PRKAG2: variants seen among roughly 807,000 people sequenced by gnomAD.
The protein encoded by PRKAG2 is protein kinase AMP-activated non-catalytic subunit gamma 2, also known as 5'-AMP-activated protein kinase subunit gamma-2.
A neutral mutation model predicts 69.6 loss-of-function variants in PRKAG2; 26 were observed. The observed-to-expected ratio is 0.37, with a 90% CI of 0.27 to 0.52. PRKAG2 has a LOEUF of 0.52. PRKAG2 is among the 20% of genes least tolerant of loss of function. PRKAG2 has a pLI of 0.90. For missense variants in PRKAG2, 557 were observed against 740.0 expected (o/e 0.75, Z 2.87); for synonymous variants, 293 against 285.0 (o/e 1.03, Z -0.28).
chr7:151,749,845 T>C (rs2074547709), intron 3 of PRKAG2, among the ~76,000 whole-genome samples: 2 of 149,382 alleles, frequency 1.3e-5, no homozygotes, highest in South Asian at 2.1e-4. Context: ...GCCTGTCATC[T>C]CAGCACTTTG....
chr7:151,652,634 AAAAGCCCATTGGGTCTCTT>A (rs1563349205), intron 4 of PRKAG2, among the ~76,000 whole-genome samples: 1 of 152,138 alleles, frequency 6.6e-6, no homozygotes, highest in Non-Finnish European at 1.5e-5. Flanking sequence ...CAATATCCAA[AAAAGCCCATTGGGTCTCTT>A]TTTTCTTTTT....
intron 3 of PRKAG2, among the ~76,000 whole-genome samples, chr7:151,712,134 C>T (rs543961803): frequency 5.3e-5 from 8 of 152,348 alleles, no homozygotes; most frequent in South Asian, 4.1e-4. Context: ...ACGTGCATCA[C>T]GTGGTGTAAC....
intron 4 of PRKAG2, among the ~76,000 whole-genome samples, chr7:151,654,480 C>T (rs979697117): frequency 6.6e-6 from 1 of 152,180 alleles, no homozygotes; most frequent in African/African-American, 2.4e-5. Context: ...AATTCTTTTG[C>T]TATGTCAATA....
chr7:151,700,039 G>A (rs539326345), intron 3 of PRKAG2, among the ~76,000 whole-genome samples: 1 of 152,102 alleles, frequency 6.6e-6, no homozygotes, highest in Non-Finnish European at 1.5e-5. Flanking sequence ...ACTGAAATCT[G>A]GTGATGGAGT....
Position 151,835,915 on chromosome 7 carries a change from G to C in PRKAG2, c.114+40592C>G, listed in dbSNP as rs540235011. On this transcript the variant is annotated intron_variant, in intron 1 of 15. Coordinates refer to ENST00000287878, the MANE Select transcript of PRKAG2 (RefSeq NM_016203.4). This position sits in a 1 kb window ranked among gnomAD's most constrained non-coding sequence, Gnocchi z 4.1. ...ATTCAAGAGTGGGGTGCAGCTCAGG[G>C]AGGCATCGGAGATGGGGACTGTGAC... Among the ~76,000 whole-genome samples, 450 of 152,320 alleles carry C rather than the reference G, an allele frequency of 3.0e-3. 2 individuals carry two copies. Among genetic ancestry groups the C allele is most frequent in the Non-Finnish European group, 4.6e-3 (311 of 68,032 alleles).
chr7:151,707,400 G>T lies in PRKAG2; in HGVS notation c.467-31763C>A, dbSNP rs151165580. 2.7e-3 allele frequency among the ~76,000 whole-genome samples: 417 copies of T among 152,260 alleles called. 2 individuals carry two copies. The highest frequency in any genetic ancestry group is 9.6e-3 in the African/African-American group (399 of 41,532). ...AGCAGGTCCCTCCTACTAAACGGTGGTCGGAGAAGCTGCTATATAATGACC... is the reference window on the plus strand; with the variant it reads ...AGCAGGTCCCTCCTACTAAACGGTGTTCGGAGAAGCTGCTATATAATGACC... On this transcript the variant is annotated intron_variant, in intron 3 of 15. Transcript: ENST00000287878.
intron 5 of PRKAG2, among the ~76,000 whole-genome samples, chr7:151,628,695 C>A (rs931633915): frequency 2.1e-5 from 3 of 144,338 alleles, no homozygotes; most frequent in Non-Finnish European, 4.6e-5. Flanking sequence ...AAGAGTGAGA[C>A]CCTGAGGGAG....
rs116777934 is a variant in PRKAG2 at position 151,680,534 on chromosome 7, C to T, written c.467-4897G>A. ...CTGTCTGATTTTGCCTAGACTATCT[C>T]TGGCAGGATCTGGAAACACTGGCTG... On this transcript the variant is annotated intron_variant, in intron 3 of 15. Coordinates refer to ENST00000287878, the MANE Select transcript of PRKAG2 (RefSeq NM_016203.4). 5.5e-3 allele frequency among the ~76,000 whole-genome samples: 844 copies of T among 152,354 alleles called. 7 individuals carry two copies. The highest frequency in any genetic ancestry group is 0.019 in the African/African-American group (786 of 41,574).
At chr7:151,650,905 G>A (rs964063027) in intron 4 of PRKAG2, among the ~76,000 whole-genome samples, 3 of 152,190 alleles carry the variant, frequency 2.0e-5, no homozygotes, top group Non-Finnish European at 2.9e-5. Context: ...AAATTATGAT[G>A]ATGTTCTTGA....
At chr7:151,620,796 A>AC (rs1750737938) in intron 5 of PRKAG2, among the ~76,000 whole-genome samples, 1 of 149,908 alleles carries the variant, frequency 6.7e-6, no homozygotes, top group Non-Finnish European at 1.5e-5. Flanking sequence ...TAGATTAAAA[A>AC]AATTTTTTTT....
intron 3 of PRKAG2, among the ~76,000 whole-genome samples, chr7:151,703,093 C>G (rs1335216661): frequency 1.3e-5 from 2 of 152,218 alleles, no homozygotes; most frequent in Non-Finnish European, 2.9e-5. Flanking sequence ...CAGAAGACAC[C>G]TCTGCCAGCC....
intron 4 of PRKAG2, among the ~76,000 whole-genome samples, chr7:151,665,787 A>T (rs1484813261): frequency 6.6e-6 from 1 of 152,268 alleles, no homozygotes; most frequent in African/African-American, 2.4e-5. Flanking sequence ...GCAGTCAGGA[A>T]TATAAGAGCA....
At chr7:151,865,366 C>T (rs551778992) in intron 1 of PRKAG2, among the ~76,000 whole-genome samples, 16 of 152,370 alleles carry the variant, frequency 1.1e-4, no homozygotes, top group South Asian at 6.2e-4. Flanking sequence ...GCCCCAACCA[C>T]GAGAACTTCC....
chr7:151,578,297 A>C (rs1166646630), intron 6 of PRKAG2, among the ~76,000 whole-genome samples: 1 of 152,208 alleles, frequency 6.6e-6, no homozygotes, highest in Non-Finnish European at 1.5e-5. Flanking sequence ...GTGAGCCGAG[A>C]ACACGCCACT....
rs552637574 is a variant in PRKAG2, at chr7:151,581,827, C to A, written c.865-5375G>T. On this transcript the variant is annotated intron_variant, in intron 6 of 15. Transcript: ENST00000287878. ...TTATTACTTCAGACTCAGAAAAAAACATCCTGCTTCCCCATAATAAATTCT... is the reference window on the plus strand; with the variant it reads ...TTATTACTTCAGACTCAGAAAAAAAAATCCTGCTTCCCCATAATAAATTCT... Among the ~76,000 whole-genome samples, 5 of 152,210 alleles carry A rather than the reference C, an allele frequency of 3.3e-5. No individual in the cohort carries two copies. In the East Asian group the frequency reaches 5.8e-4, roughly 18 times the overall value.
At chr7:151,597,448 T>C (rs989227664) in intron 5 of PRKAG2, among the ~76,000 whole-genome samples, 2 of 152,184 alleles carry the variant, frequency 1.3e-5, no homozygotes, top group Non-Finnish European at 2.9e-5. Flanking sequence ...ACTAAAAAGC[T>C]TCTATCCTGC....
At chr7:151,609,051 T>C (rs950433674) in intron 5 of PRKAG2, among the ~76,000 whole-genome samples, 2 of 152,164 alleles carry the variant, frequency 1.3e-5, no homozygotes, top group Non-Finnish European at 2.9e-5. Context: ...ACAGCATTGA[T>C]CTAAATAAAG....
At chr7:151,843,318 C>A (rs2079354488) in intron 1 of PRKAG2, among the ~76,000 whole-genome samples, 2 of 152,146 alleles carry the variant, frequency 1.3e-5, no homozygotes, top group African/African-American at 4.8e-5. Context: ...AGCTGATGTA[C>A]ATGAGACACT....
At position 151,845,043 on chromosome 7, in the gene PRKAG2, G is replaced by C. The variant is rs1037758524; in HGVS notation, c.114+31464C>G. Among the ~76,000 whole-genome samples the C allele has an allele frequency of 2.6e-5, 4 of 152,128 alleles. No homozygotes were observed. The South Asian group carries it at 8.3e-4, about 32-fold the overall frequency. ...GATGGCGGCAGGCAGCCTCCGCCCC[G>C]CACAAGGGTGCTGGGAGACATCTGT... is the stretch of plus-strand genomic sequence containing the variant. On this transcript the variant is annotated intron_variant, in intron 1 of 15. Transcript: ENST00000287878.
Sources: gnomAD v4.1 joint callset for allele counts (sites outside exome capture counted in the v4.1 genomes callset) on GRCh38, gnomAD v4.1.1 for gene constraint, Gnocchi (gnomAD v3.1) non-coding constraint, MANE v1.5 for transcripts, NCBI Gene and HGNC (gene_info 2026-07-23, HGNC 2026-07-21) for gene names.